DCLK1: variants seen among roughly 807,000 people sequenced by gnomAD.
The protein encoded by DCLK1 is doublecortin like kinase 1, also known as serine/threonine-protein kinase DCLK1.
Under a neutral mutation model 86.2 loss-of-function variants are expected in DCLK1, and 16 were observed. The ratio of observed to expected loss-of-function variants is 0.19; its 90% CI spans 0.13 to 0.28. The LOEUF is 0.28. DCLK1 is among the 10% of genes least tolerant of loss of function. The pLI, the probability that DCLK1 is intolerant of heterozygous loss-of-function variation, is 1.00. For synonymous variants in DCLK1, 369 were observed against 370.5 expected, an observed-to-expected ratio of 1.00 and a Z score of 0.05; for missense variants, 590 against 940.2, an observed-to-expected ratio of 0.63 and a Z score of 4.87.
chr13:36,125,756 G>A lies in DCLK1; in HGVS notation c.376+6C>T, dbSNP rs1886150905. The A allele has an allele frequency of 3.7e-6, 6 of 1,610,014 alleles. No individual in the cohort carries two copies. Among genetic ancestry groups the A allele is most frequent in the Middle Eastern group, 1.7e-4 (1 of 6,058 alleles). ...GGTCACGTGGGGGTTATCTCACAGCGCTCACCTTCCACCAGTTGGTCCAGG... is the reference window on the plus strand; with the variant it reads ...GGTCACGTGGGGGTTATCTCACAGCACTCACCTTCCACCAGTTGGTCCAGG... On this transcript the variant is annotated splice_donor_region_variant and intron_variant, in intron 2 of 16. Transcript: ENST00000360631.
intron 3 of DCLK1, among the ~76,000 whole-genome samples, chr13:36,011,139 A>G (rs1881244191): frequency 1.0e-5 from 1 of 98,144 alleles, no homozygotes; most frequent in African/African-American, 3.8e-5. Flanking sequence ...TAATCTTGCT[A>G]GTGGTCTATC....
chr13:35,816,806 G>A (rs1181972981), intron 11 of DCLK1, among the ~76,000 whole-genome samples: 1 of 152,042 alleles, frequency 6.6e-6, no homozygotes, highest in Non-Finnish European at 1.5e-5. Context: ...CATATATACC[G>A]TTTGGGTTTT....
chr13:35,987,988 GT>G (rs1880025227), intron 3 of DCLK1, among the ~76,000 whole-genome samples: 1 of 152,170 alleles, frequency 6.6e-6, no homozygotes, highest in Non-Finnish European at 1.5e-5. Flanking sequence ...AGCCTCCTGC[GT>G]GCTGTGCTGG....
At chr13:36,007,818 C>T (rs1881050783) in intron 3 of DCLK1, among the ~76,000 whole-genome samples, 2 of 152,208 alleles carry the variant, frequency 1.3e-5, no homozygotes, top group East Asian at 1.9e-4. Flanking sequence ...GCATATCCAT[C>T]TGATCACTTT....
At chr13:35,854,792 T>A (rs546810422) in intron 5 of DCLK1, among the ~76,000 whole-genome samples, 199 bp from the exon 6 acceptor site, 3 of 152,216 alleles carry the variant, frequency 2.0e-5, no homozygotes, top group African/African-American at 7.2e-5. Context: ...CTGTGTTTCA[T>A]AGAGCAGCAG....
At chr13:35,876,894 C>T (rs1041074754) in intron 4 of DCLK1, among the ~76,000 whole-genome samples, 2 of 152,074 alleles carry the variant, frequency 1.3e-5, no homozygotes, top group Non-Finnish European at 2.9e-5. Flanking sequence ...AAGATGACAC[C>T]GAAGGACTGT....
At chr13:36,117,801 A>G (rs1304505559) in intron 2 of DCLK1, among the ~76,000 whole-genome samples, 2 of 152,154 alleles carry the variant, frequency 1.3e-5, no homozygotes, top group East Asian at 3.9e-4. Flanking sequence ...ATAGGTTAGA[A>G]AGCAAGATGT....
intron 8 of DCLK1, among the ~76,000 whole-genome samples, chr13:35,833,388 C>CT (rs1869114326): frequency 6.6e-6 from 1 of 152,168 alleles, no homozygotes; most frequent in African/African-American, 2.4e-5. Context: ...CTTTTCTGCT[C>CT]TTTGAGTTTG....
At chr13:35,819,001 G>A (rs946788925) in intron 11 of DCLK1, among the ~76,000 whole-genome samples, 4 of 152,038 alleles carry the variant, frequency 2.6e-5, no homozygotes, top group Non-Finnish European at 4.4e-5. Flanking sequence ...GGCCAGTTGG[G>A]AATGTTTTGG....
chr13:36,057,981 A>G (rs1335840545), intron 3 of DCLK1, among the ~76,000 whole-genome samples: 1 of 152,190 alleles, frequency 6.6e-6, no homozygotes, highest in Non-Finnish European at 1.5e-5. Flanking sequence ...CAAGTTGTAT[A>G]TAAACAGTCA....
chr13:35,848,855 G>C (rs1397166353), intron 6 of DCLK1: 1 of 985,314 alleles, frequency 1.0e-6, no homozygotes, highest in Non-Finnish European at 1.2e-6. Flanking sequence ...ATTTTACAAA[G>C]ACATAACTAA....
chr13:35,839,609 T>G (rs1333071286), intron 6 of DCLK1, among the ~76,000 whole-genome samples: 1 of 152,196 alleles, frequency 6.6e-6, no homozygotes, highest in African/African-American at 2.4e-5. Flanking sequence ...AGTTTGTTTT[T>G]ATAAAATATC....
intron 4 of DCLK1, among the ~76,000 whole-genome samples, chr13:35,892,645 T>C (rs1360660156): frequency 1.3e-5 from 2 of 152,314 alleles, no homozygotes; most frequent in South Asian, 2.1e-4. Flanking sequence ...GTCCAGTATA[T>C]AGTTTAATCC....
intron 6 of DCLK1, among the ~76,000 whole-genome samples, chr13:35,853,551 G>C (rs1347238246): frequency 3.9e-5 from 6 of 152,206 alleles, no homozygotes; most frequent in Non-Finnish European, 7.3e-5. Flanking sequence ...CTTGAAGAGA[G>C]GGCCTTCCAT....
intron 3 of DCLK1, among the ~76,000 whole-genome samples, chr13:36,008,074 C>T (rs1389083793): frequency 2.7e-5 from 4 of 150,516 alleles, no homozygotes; most frequent in Admixed American, 2.7e-4. Context: ...AATTGCAATG[C>T]CTATCATTTC....
rs545365430 is a variant in DCLK1 at position 36,054,003 on chromosome 13, T to C, written c.723+57866A>G. On this transcript the variant is annotated intron_variant, in intron 3 of 16. Transcript: ENST00000360631. ...TAAAGGATAGAAAAGCAGAATTGGA[T>C]AGCAATTCTCCATGACACTTCTACA... Among the ~76,000 whole-genome samples, 12 of 152,284 alleles carry C rather than the reference T, an allele frequency of 7.9e-5. No individual in the cohort carries two copies. In the East Asian group the frequency reaches 2.3e-3, roughly 29 times the overall value.
At chr13:35,798,125 T>C (rs2086848894) in intron 15 of DCLK1, among the ~76,000 whole-genome samples, 1 of 152,066 alleles carries the variant, frequency 6.6e-6, no homozygotes, top group Admixed American at 6.5e-5. Flanking sequence ...CGAACAAAAT[T>C]AGTTTGCAAA....
At chr13:36,012,244 T>C (rs1881307340) in intron 3 of DCLK1, among the ~76,000 whole-genome samples, 2 of 144,606 alleles carry the variant, frequency 1.4e-5, no homozygotes, top group East Asian at 4.1e-4. Flanking sequence ...GTTAATATTG[T>C]TATGTGTGAA....
intron 4 of DCLK1, among the ~76,000 whole-genome samples, chr13:35,929,509 G>A (rs1876309213): frequency 6.6e-6 from 1 of 152,208 alleles, no homozygotes; most frequent in Admixed American, 6.5e-5. Flanking sequence ...GGCAATCACT[G>A]GCTCAGTTGG....
Sources: allele counts gnomAD v4.1 joint callset (sites outside exome capture counted in the v4.1 genomes callset), GRCh38; gene constraint gnomAD v4.1.1; transcripts MANE v1.5; gene names NCBI Gene and HGNC (gene_info 2026-07-23, HGNC 2026-07-21).